ATPSCKMT: variants seen among roughly 807,000 people sequenced by gnomAD.
ATPSCKMT encodes ATP synthase subunit C lysine N-methyltransferase.
A neutral mutation model predicts 24.3 loss-of-function variants in ATPSCKMT; 24 were observed. The ratio of observed to expected loss-of-function variants is 0.99; its 90% CI spans 0.71 to 1.39. The LOEUF is 1.39. Ranked by LOEUF, ATPSCKMT falls within the 40% of genes most tolerant of loss-of-function variation. The pLI, the probability that ATPSCKMT is intolerant of heterozygous loss-of-function variation, is 0.00. For missense variants in ATPSCKMT, 311 were observed against 298.4 expected (o/e 1.04, Z -0.31); for synonymous variants, 95 against 110.5 (o/e 0.86, Z 0.88).
At position 10,227,546 on chromosome 5, in the gene ATPSCKMT, C is replaced by T. The variant is rs777220500; in HGVS notation, c.597G>A (p.Thr199=). Residue 199 remains threonine (T), a synonymous_variant, in exon 5 of 5, where the codon ACG becomes ACA. Transcript: ENST00000511437. The part of the protein sequence containing the change: ...PFPHWTPDHV[T]GEGIDTVWAY... ...CCCACACTGTGTCTATCCCCTCCCC[C>T]GTGACGTGGTCTGGAGTCCAATGTG... 11 of 1,614,082 alleles carry T rather than the reference C, an allele frequency of 6.8e-6. No individual in the cohort carries two copies. In the South Asian group the frequency reaches 7.7e-5, roughly 11 times the overall value.
intron 1 of ATPSCKMT, among the ~76,000 whole-genome samples, chr5:10,241,523 C>G (rs1385493316): frequency 6.6e-6 from 1 of 152,160 alleles, no homozygotes; most frequent in Non-Finnish European, 1.5e-5. Flanking sequence ...CCTGAAGCCC[C>G]TTAAAATGAG....
chr5:10,236,327 G>T (rs541777153), intron 3 of ATPSCKMT, 151 bp downstream of exon 3: 2 of 938,370 alleles, frequency 2.1e-6, no homozygotes, highest in East Asian at 5.5e-5. Flanking sequence ...TTTGTAAAAC[G>T]TATCAATTTT....
Position 10,227,386 on chromosome 5 carries a change from T to C in ATPSCKMT, c.*55A>G, listed in dbSNP as rs1231698878. The C allele has an allele frequency of 1.3e-6, 2 of 1,570,146 alleles. No homozygotes were observed. Among genetic ancestry groups the C allele is most frequent in the Non-Finnish European group, 1.7e-6 (2 of 1,145,866 alleles). On this transcript the variant is annotated 3_prime_UTR_variant, in exon 5 of 5. Transcript: ENST00000511437. ...CCTTTGCTAAGGACACAGCTGTAAG[T>C]CTCTACAAGATCAGGGAAGACTACA...
At chr5:10,247,225 T>C (rs980308966) in intron 1 of ATPSCKMT, among the ~76,000 whole-genome samples, 1 of 152,236 alleles carries the variant, frequency 6.6e-6, no homozygotes. Context: ...GTAACAAACA[T>C]TTGCATGGGG....
At chr5:10,243,308 G>A (rs1279776041) in intron 1 of ATPSCKMT, among the ~76,000 whole-genome samples, 1 of 152,054 alleles carries the variant, frequency 6.6e-6, no homozygotes, top group African/African-American at 2.4e-5. Context: ...ACATGGTGAA[G>A]CCCAGTCTCT....
intron 1 of ATPSCKMT, 84 bp downstream of exon 1, chr5:10,249,774 G>A: frequency 6.6e-7 from 1 of 1,511,312 alleles, no homozygotes; most frequent in Non-Finnish European, 8.8e-7. Context: ...CTCGACAGTG[G>A]AGACCTCAGC....
At chr5:10,233,091 G>C (rs1432493779) in intron 4 of ATPSCKMT, among the ~76,000 whole-genome samples, 2 of 152,148 alleles carry the variant, frequency 1.3e-5, no homozygotes, top group African/African-American at 4.8e-5. Context: ...CAGAAGCAGG[G>C]GTGAGGGTTT....
At chr5:10,249,545 T>C in intron 1 of ATPSCKMT, 1 of 370,586 alleles carries the variant, frequency 2.7e-6, no homozygotes, top group Non-Finnish European at 4.8e-6. Flanking sequence ...GCGGCAGAAC[T>C]GCGATTCCAA....
intron 2 of ATPSCKMT, among the ~76,000 whole-genome samples, chr5:10,237,781 C>G (rs545686384): frequency 3.3e-5 from 5 of 151,762 alleles, no homozygotes; most frequent in Non-Finnish European, 7.4e-5. Flanking sequence ...GAGTCTCGCT[C>G]TGTCACCCAG....
rs1261825448 is a variant in ATPSCKMT at position 10,226,700 on chromosome 5, A to C, written c.*741T>G. On this transcript the variant is annotated 3_prime_UTR_variant, in exon 5 of 5. Transcript: ENST00000511437. ...AACAAACACCATTTATGGACCAAAG[A>C]CTAGGTGCCATGAGTTTTAGAAATT... 1.3e-5 allele frequency: 2 copies of C among 152,172 alleles called. No homozygotes were observed. Among genetic ancestry groups the C allele is most frequent in the Non-Finnish European group, 2.9e-5 (2 of 68,036 alleles). 9.4% of individuals were successfully genotyped at this position (152,172 alleles called of 1,614,324 possible).
At position 10,245,028 on chromosome 5, in the gene ATPSCKMT, C is replaced by T. The variant is rs532615390; in HGVS notation, c.16+4830G>A. Among the ~76,000 whole-genome samples the T allele has an allele frequency of 2.0e-5, 3 of 152,238 alleles. No homozygotes were observed. The East Asian group carries it at 5.8e-4, about 29-fold the overall frequency. ...AGCAGTTAAGAGGATTTGGGTTACA[C>T]AGTTCTGGAGTCTCAGAACTTAATT... is the stretch of plus-strand genomic sequence containing the variant. On this transcript the variant is annotated intron_variant, in intron 1 of 4. Transcript: ENST00000511437.
chr5:10,239,254 A>C lies in ATPSCKMT; in HGVS notation c.119T>G (p.Leu40Arg). ...CAGGGTGCCACCCACAAGCCCAGTA[A>C]GTAAGAACCCCCAGTTGCTTTTCTG... ...SLQKSNWGFL[L>R]TGLVGGTLVA... The change falls in exon 2 of 5, where the codon CTT becomes CGT. Residue 40 changes from leucine to arginine, a missense_variant. Physicochemically the swap from Leu to Arg is moderately radical, Grantham distance 102 (BLOSUM62 -2). Coordinates refer to ENST00000511437, the MANE Select transcript of ATPSCKMT (RefSeq NM_199133.4). The C allele has an allele frequency of 1.2e-6, 2 of 1,614,226 alleles. No individual in the cohort carries two copies. Among genetic ancestry groups the C allele is most frequent in the Non-Finnish European group, 1.7e-6 (2 of 1,180,038 alleles).
At position 10,236,520 on chromosome 5, in the gene ATPSCKMT, A is replaced by G; in HGVS notation, c.402T>C (p.Gly134=). The change falls in exon 3 of 5, where the codon GGT becomes GGC. Residue 134 remains glycine (G), a synonymous_variant. Coordinates refer to ENST00000511437, the MANE Select transcript of ATPSCKMT (RefSeq NM_199133.4). ...WYSRYRAWRE[G]VHGSAKFYIS... Reference sequence around the variant, plus strand: ...TATAAAATTTGGCAGATCCATGCACACCTTCTCGCCAAGCGCGGTATCTGG... The same window carrying G: ...TATAAAATTTGGCAGATCCATGCACGCCTTCTCGCCAAGCGCGGTATCTGG... The G allele has an allele frequency of 1.9e-6, 3 of 1,614,220 alleles. No homozygotes were observed. Among genetic ancestry groups the G allele is most frequent in the Non-Finnish European group, 2.5e-6 (3 of 1,180,036 alleles).
Position 10,226,281 on chromosome 5 carries a change from A to G in ATPSCKMT, c.*1160T>C, listed in dbSNP as rs1743873479. 1 of 152,250 alleles carries G rather than the reference A, an allele frequency of 6.6e-6. No individual in the cohort carries two copies. Among genetic ancestry groups the G allele is most frequent in the Non-Finnish European group, 1.5e-5 (1 of 68,048 alleles). 9.4% of individuals were successfully genotyped at this position (152,250 alleles called of 1,614,324 possible). A position where few individuals can be genotyped will look rare whatever the true frequency, so the allele number is the denominator to read the frequency against. On this transcript the variant is annotated 3_prime_UTR_variant, in exon 5 of 5. Coordinates refer to ENST00000511437, the MANE Select transcript of ATPSCKMT (RefSeq NM_199133.4). Reference sequence around the variant, plus strand: ...ATACTGAATACATATTTGTTGAATGAATGAATGTGTCCCCAGATGTTTCTC... The same window carrying G: ...ATACTGAATACATATTTGTTGAATGGATGAATGTGTCCCCAGATGTTTCTC...
Position 10,227,365 on chromosome 5 carries a change from T to C in ATPSCKMT, c.*76A>G. 1.4e-6 allele frequency: 2 copies of C among 1,469,038 alleles called. No homozygotes were observed. The highest frequency in any genetic ancestry group is 1.2e-5 in the South Asian group (1 of 86,400). 91.0% of individuals were successfully genotyped at this position (1,469,038 alleles called of 1,614,324 possible). A position where few individuals can be genotyped will look rare whatever the true frequency, so the allele number is the denominator to read the frequency against. Reference sequence around the variant, plus strand: ...CAAACCAAAGACAATTATGCTCCTTTGCTAAGGACACAGCTGTAAGTCTCT... The same window carrying C: ...CAAACCAAAGACAATTATGCTCCTTCGCTAAGGACACAGCTGTAAGTCTCT... On this transcript the variant is annotated 3_prime_UTR_variant, in exon 5 of 5. Transcript: ENST00000511437.
chr5:10,236,444 G>T, intron 3 of ATPSCKMT, 34 bp downstream of exon 3: 1 of 1,578,088 alleles, frequency 6.3e-7, no homozygotes, highest in South Asian at 1.2e-5. Flanking sequence ...ATTTTCCCTT[G>T]GATTTCTCTA....
chr5:10,245,225 C>T (rs2126465925), intron 1 of ATPSCKMT, among the ~76,000 whole-genome samples: 1 of 151,108 alleles, frequency 6.6e-6, no homozygotes, highest in East Asian at 2.0e-4. Flanking sequence ...TTGAGACTAT[C>T]CTGGCTAACA....
rs1336652131 is a variant in ATPSCKMT, at chr5:10,225,547, G to T, written c.*1894C>A. ...GCTTTAATTGGACTTACAGTTCCATGTGGCTGGAATATCTTACGTGAATGG... is the reference window on the plus strand; with the variant it reads ...GCTTTAATTGGACTTACAGTTCCATTTGGCTGGAATATCTTACGTGAATGG... On this transcript the variant is annotated 3_prime_UTR_variant, in exon 5 of 5. Transcript: ENST00000511437. Among the ~76,000 whole-genome samples the T allele has an allele frequency of 6.6e-6, 1 of 152,188 alleles. No individual in the cohort carries two copies. Among genetic ancestry groups the T allele is most frequent in the Non-Finnish European group, 1.5e-5 (1 of 68,042 alleles).
chr5:10,243,481 GA>G (rs200479071), intron 1 of ATPSCKMT, among the ~76,000 whole-genome samples: 1,592 of 143,658 alleles, frequency 0.011, 28 homozygotes, highest in African/African-American at 0.038. Context: ...CGTCTCAAAA[GA>G]AAAAAAAAAA....
Sources: allele counts gnomAD v4.1 joint callset (sites outside exome capture counted in the v4.1 genomes callset), GRCh38; gene constraint gnomAD v4.1.1; transcripts MANE v1.5; gene names NCBI Gene and HGNC (gene_info 2026-07-23, HGNC 2026-07-21).